SORCS3: variants seen among roughly 807,000 people sequenced by gnomAD.
SORCS3 encodes the protein sortilin related VPS10 domain containing receptor 3, also known as VPS10 domain-containing receptor SorCS3.
In SORCS3, 57 loss-of-function variants were observed where a neutral mutation model predicts 146.3. The ratio of observed to expected loss-of-function variants is 0.39; its 90% confidence interval spans 0.31 to 0.49. The LOEUF (loss-of-function observed/expected upper bound fraction) is 0.49. Among genes scored for constraint, SORCS3 ranks in the 20% least tolerant of loss-of-function variants. SORCS3 has a pLI of 0.92. For missense variants in SORCS3, 1,341 were observed against 1,575.5 expected, an observed-to-expected ratio of 0.85 and a Z score of 2.52; for synonymous variants, 653 against 618.5, an observed-to-expected ratio of 1.06 and a Z score of -0.83.
chr10:105,179,164 A>G (rs1258148134), intron 14 of SORCS3, among the ~76,000 whole-genome samples: 4 of 152,146 alleles, frequency 2.6e-5, no homozygotes, highest in African/African-American at 9.7e-5. Context: ...ATTCTCGTCT[A>G]TGAGGCCTAT....
intron 4 of SORCS3, among the ~76,000 whole-genome samples, chr10:105,002,586 A>G (rs938302448): frequency 4.6e-5 from 7 of 152,380 alleles, no homozygotes; most frequent in African/African-American, 1.7e-4. Context: ...ATGAATAAAT[A>G]AAACAATTCC....
intron 22 of SORCS3, among the ~76,000 whole-genome samples, chr10:105,251,877 AT>A (rs1215190466): frequency 6.6e-6 from 1 of 152,058 alleles, no homozygotes; most frequent in Admixed American, 6.6e-5. Context: ...GTATTTTGTT[AT>A]TTTTTTCTTC....
At position 104,650,141 on chromosome 10, in the gene SORCS3, C is replaced by T. The variant is rs533843314; in HGVS notation, c.627+8187C>T. 2.6e-5 allele frequency among the ~76,000 whole-genome samples: 4 copies of T among 152,270 alleles called. No homozygotes were observed. In the East Asian group the frequency reaches 7.7e-4, roughly 29 times the overall value. On this transcript the variant is annotated intron_variant, in intron 1 of 26. Transcript: ENST00000369701. ...CTGTAGAATATCTGCAGCCTGTTCC[C>T]CAGAATTATCACACTGGTACAATCC...
chr10:105,133,257 T>C lies in SORCS3; in HGVS notation c.1213-6140T>C, dbSNP rs180808034. On this transcript the variant is annotated intron_variant, in intron 7 of 26. Coordinates refer to ENST00000369701, the MANE Select transcript of SORCS3 (RefSeq NM_014978.3). Reference sequence around the variant, plus strand: ...TGAGAGTTCTTCACTACATCTGTGTTTTAGTCAGTATCCAATGGAGGAATC... The same window carrying C: ...TGAGAGTTCTTCACTACATCTGTGTCTTAGTCAGTATCCAATGGAGGAATC... 1.1e-3 allele frequency among the ~76,000 whole-genome samples: 169 copies of C among 152,328 alleles called. 3 individuals are homozygous for C. Among genetic ancestry groups the C allele is most frequent in the Non-Finnish European group, 1.5e-4 (10 of 68,036 alleles).
chr10:105,148,673 G>T (rs1429907820), intron 9 of SORCS3, among the ~76,000 whole-genome samples: 1 of 152,070 alleles, frequency 6.6e-6, no homozygotes, highest in Non-Finnish European at 1.5e-5. Flanking sequence ...GTCTATTCTG[G>T]GTGGTGGCCT....
intron 1 of SORCS3, among the ~76,000 whole-genome samples, chr10:104,815,745 T>C (rs1272670475): frequency 1.3e-5 from 2 of 152,206 alleles, no homozygotes; most frequent in Non-Finnish European, 2.9e-5. Context: ...TTTAACTTTA[T>C]AAGATATAAT....
At chr10:105,245,062 C>CT (rs1331788974) in intron 20 of SORCS3, among the ~76,000 whole-genome samples, 1 of 106,574 alleles carries the variant, frequency 9.4e-6, no homozygotes, top group Non-Finnish European at 1.9e-5. Context: ...GAGCAAGACT[C>CT]TGTCAAAAAA....
chr10:105,176,534 CA>C (rs2056404251), intron 13 of SORCS3, among the ~76,000 whole-genome samples: 1 of 151,780 alleles, frequency 6.6e-6, no homozygotes, highest in African/African-American at 2.4e-5. Flanking sequence ...GCCTGAGCAA[CA>C]GAGTGAGACC....
At chr10:105,011,895 A>G (rs1480463649) in intron 4 of SORCS3, among the ~76,000 whole-genome samples, 1 of 152,196 alleles carries the variant, frequency 6.6e-6, no homozygotes, top group African/African-American at 2.4e-5. Context: ...TAAAAGTTAT[A>G]GCATTTATTG....
At chr10:104,963,296 CT>C (rs777852409) in intron 3 of SORCS3, among the ~76,000 whole-genome samples, 1 of 152,186 alleles carries the variant, frequency 6.6e-6, no homozygotes, top group Non-Finnish European at 1.5e-5. Context: ...CATTGACAGT[CT>C]GCCTAGCTCA....
chr10:104,930,194 A>T (rs2019193020), intron 3 of SORCS3, among the ~76,000 whole-genome samples: 1 of 152,224 alleles, frequency 6.6e-6, no homozygotes, highest in Admixed American at 6.5e-5. Flanking sequence ...AATAAAAAAA[A>T]AGGTATAAGG....
At chr10:105,117,560 C>T (rs2055902164) in intron 7 of SORCS3, among the ~76,000 whole-genome samples, 1 of 152,114 alleles carries the variant, frequency 6.6e-6, no homozygotes, top group South Asian at 2.1e-4. Context: ...TTAGACTTTC[C>T]ATCAATATTT....
chr10:104,663,165 A>G (rs1341046010), intron 1 of SORCS3, among the ~76,000 whole-genome samples: 2 of 152,168 alleles, frequency 1.3e-5, no homozygotes, highest in Non-Finnish European at 2.9e-5. Flanking sequence ...CCATCATTAC[A>G]GCAGCCAGTG....
chr10:104,999,184 A>T (rs960537827), intron 4 of SORCS3, among the ~76,000 whole-genome samples: 1 of 152,032 alleles, frequency 6.6e-6, no homozygotes. Context: ...AATTTATTTT[A>T]TATGCTCTCA....
chr10:105,201,623 C>G (rs910006099), intron 16 of SORCS3, among the ~76,000 whole-genome samples: 14 of 152,206 alleles, frequency 9.2e-5, no homozygotes, highest in Admixed American at 6.5e-5. Context: ...TCTCACTGTG[C>G]TCTTCTACGT....
At chr10:105,062,735 C>G (rs1465864257) in intron 5 of SORCS3, among the ~76,000 whole-genome samples, 6 of 152,228 alleles carry the variant, frequency 3.9e-5, no homozygotes, top group Non-Finnish European at 7.3e-5. Context: ...CTCAAAACTT[C>G]ATTCCTTTCT....
At chr10:105,261,973 G>C (rs576560966) in intron 25 of SORCS3, among the ~76,000 whole-genome samples, 16 of 152,158 alleles carry the variant, frequency 1.1e-4, no homozygotes, top group Non-Finnish European at 2.1e-4. Flanking sequence ...TTTTCACTCT[G>C]TACACACTTA....
At chr10:104,694,465 T>C (rs916475693) in intron 1 of SORCS3, among the ~76,000 whole-genome samples, 1 of 152,004 alleles carries the variant, frequency 6.6e-6, no homozygotes, top group Non-Finnish European at 1.5e-5. Context: ...ATCCCCAGGA[T>C]CCCTTCCTCA....
At chr10:104,812,737 G>C (rs996556541) in intron 1 of SORCS3, among the ~76,000 whole-genome samples, 2 of 152,170 alleles carry the variant, frequency 1.3e-5, no homozygotes, top group Non-Finnish European at 1.5e-5. Context: ...TGGATGAGTA[G>C]ACAGCAAGGC....
Sources: allele counts gnomAD v4.1 joint callset (sites outside exome capture counted in the v4.1 genomes callset), GRCh38; gene constraint gnomAD v4.1.1; transcripts MANE v1.5; gene names NCBI Gene and HGNC (gene_info 2026-07-23, HGNC 2026-07-21).